CNTN5: variants seen among roughly 807,000 people sequenced by gnomAD.
CNTN5 encodes contactin 5, also known as contactin-5.
CNTN5 carries 77 observed loss-of-function variants against 129.1 expected under a neutral mutation model. The observed-to-expected ratio is 0.60, with a 90% CI of 0.50 to 0.72. CNTN5 has a LOEUF of 0.72. CNTN5 is among the 30% of genes least tolerant of loss of function. The pLI, the probability that CNTN5 is intolerant of heterozygous loss-of-function variation, is 0.00. For missense variants in CNTN5, 1,478 were observed against 1,328.8 expected (o/e 1.11, Z -1.75); for synonymous variants, 509 against 465.6 (o/e 1.09, Z -1.20).
intron 13 of CNTN5, among the ~76,000 whole-genome samples, chr11:100,170,525 A>T (rs958449577): frequency 6.6e-6 from 1 of 152,064 alleles, no homozygotes; most frequent in Non-Finnish European, 1.5e-5. Context: ...GTCAACAATG[A>T]CTTAAAATTC....
chr11:100,165,490 T>G (rs1230261396), intron 13 of CNTN5, among the ~76,000 whole-genome samples: 1 of 151,820 alleles, frequency 6.6e-6, no homozygotes, highest in Admixed American at 6.6e-5. Context: ...TAATTGTAAA[T>G]AATGACATAT....
chr11:100,043,822 C>A (rs541884234), intron 9 of CNTN5, among the ~76,000 whole-genome samples: 1 of 151,484 alleles, frequency 6.6e-6, no homozygotes, highest in Non-Finnish European at 1.5e-5. Flanking sequence ...GTATTTGGAT[C>A]ATTTGATTCA....
At chr11:99,903,049 A>G (rs1002528911) in intron 6 of CNTN5, among the ~76,000 whole-genome samples, 3 of 152,168 alleles carry the variant, frequency 2.0e-5, no homozygotes, top group Non-Finnish European at 2.9e-5. Flanking sequence ...TTTATAGCTT[A>G]TAAGAGAAAA....
chr11:99,215,917 A>G (rs1351025222), intron 1 of CNTN5, among the ~76,000 whole-genome samples: 3 of 152,172 alleles, frequency 2.0e-5, no homozygotes, highest in Admixed American at 6.5e-5. Context: ...ATGGTTGTAT[A>G]TATTCATGCG....
At chr11:99,572,976 A>G (rs1949224047) in intron 3 of CNTN5, among the ~76,000 whole-genome samples, 1 of 152,176 alleles carries the variant, frequency 6.6e-6, no homozygotes, top group African/African-American at 2.4e-5. Context: ...GAGATAAAGG[A>G]AGACTAAAAA....
chr11:99,926,801 A>G (rs540580491), intron 7 of CNTN5, among the ~76,000 whole-genome samples: 2 of 152,240 alleles, frequency 1.3e-5, no homozygotes, highest in South Asian at 4.1e-4. Flanking sequence ...TTTATCACAC[A>G]GACTTTCATT....
chr11:99,492,365 C>T (rs976695734), intron 2 of CNTN5, among the ~76,000 whole-genome samples: 2 of 152,188 alleles, frequency 1.3e-5, no homozygotes, highest in African/African-American at 4.8e-5. Flanking sequence ...TTGCTTCCTT[C>T]AGGCCTTTAA....
intron 3 of CNTN5, among the ~76,000 whole-genome samples, chr11:99,677,612 G>A (rs80115625): frequency 0.047 from 7,169 of 152,066 alleles, 547 homozygotes; most frequent in African/African-American, 0.16. Context: ...TTATTCACTA[G>A]TTCCACTAAA....
At chr11:99,689,592 C>T (rs7108183) in intron 3 of CNTN5, among the ~76,000 whole-genome samples, 42,423 of 142,252 alleles carry the variant, frequency 0.3, 6,209 homozygotes, top group South Asian at 0.38. Flanking sequence ...GCATCTGTTA[C>T]TTTTTTTTGA....
At chr11:99,679,197 A>AATATATATATATATAT (rs34768290) in intron 3 of CNTN5, among the ~76,000 whole-genome samples, 82 of 146,090 alleles carry the variant, frequency 5.6e-4, no homozygotes, top group African/African-American at 1.9e-3. Flanking sequence ...ATATATAGGG[A>AATATATATATATATAT]ATATATATAT....
At chr11:99,619,845 T>C (rs949208251) in intron 3 of CNTN5, among the ~76,000 whole-genome samples, 2 of 151,878 alleles carry the variant, frequency 1.3e-5, no homozygotes, top group Non-Finnish European at 2.9e-5. Context: ...GCTAACACGC[T>C]GAAACCCTGT....
chr11:99,363,412 A>C (rs527779287), intron 2 of CNTN5, among the ~76,000 whole-genome samples: 3 of 152,280 alleles, frequency 2.0e-5, no homozygotes, highest in Admixed American at 1.3e-4. Context: ...GCAAGATAAG[A>C]AACTAAATGT....
At chr11:99,932,786 G>A (rs538267915) in intron 7 of CNTN5, among the ~76,000 whole-genome samples, 3 of 152,104 alleles carry the variant, frequency 2.0e-5, no homozygotes, top group Admixed American at 6.5e-5. Flanking sequence ...CATTTTATCC[G>A]TTTATGGTTA....
At chr11:99,298,471 A>G (rs745416688) in intron 1 of CNTN5, among the ~76,000 whole-genome samples, 1 of 152,202 alleles carries the variant, frequency 6.6e-6, no homozygotes, top group Non-Finnish European at 1.5e-5. Context: ...CACTGTTAAC[A>G]GGTGCATACT....
chr11:99,335,564 CATA>C (rs2136039027), intron 2 of CNTN5, among the ~76,000 whole-genome samples: 1 of 151,988 alleles, frequency 6.6e-6, no homozygotes, highest in African/African-American at 2.4e-5. Context: ...CGAGAAAGGA[CATA>C]ATAATGAGCA....
At chr11:99,031,483 G>GA (rs1422245460) in intron 1 of CNTN5, among the ~76,000 whole-genome samples, 1 of 151,982 alleles carries the variant, frequency 6.6e-6, no homozygotes, top group African/African-American at 2.4e-5. Flanking sequence ...AAAGGTATGA[G>GA]AAAAATTTAT....
intron 16 of CNTN5, among the ~76,000 whole-genome samples, chr11:100,254,090 C>A (rs557280728): frequency 6.6e-6 from 1 of 152,204 alleles, no homozygotes; most frequent in African/African-American, 2.4e-5. Context: ...CTGAATGGAC[C>A]CTACTGACTG....
chr11:99,720,758 T>C (rs1458361223), intron 3 of CNTN5, among the ~76,000 whole-genome samples: 2 of 152,110 alleles, frequency 1.3e-5, no homozygotes, highest in African/African-American at 2.4e-5. Flanking sequence ...CCAGTAGTCT[T>C]GGACAAAAGC....
chr11:99,117,257 A>G (rs921702114), intron 1 of CNTN5, among the ~76,000 whole-genome samples: 23 of 152,140 alleles, frequency 1.5e-4, no homozygotes, highest in Non-Finnish European at 2.4e-4. Flanking sequence ...AATCACAAAT[A>G]TGCAGTATGA....
Sources: gnomAD v4.1 joint callset for allele counts (sites outside exome capture counted in the v4.1 genomes callset) on GRCh38, gnomAD v4.1.1 for gene constraint, MANE v1.5 for transcripts, NCBI Gene and HGNC (gene_info 2026-07-23, HGNC 2026-07-21) for gene names.